SBSPON: variants seen among roughly 807,000 people sequenced by gnomAD.
SBSPON encodes somatomedin B and thrombospondin type 1 domain containing, also known as somatomedin-B and thrombospondin type-1 domain-containing protein.
In SBSPON, 30 loss-of-function variants were observed where a neutral mutation model predicts 35.8. The observed-to-expected ratio is 0.84, with a 90% CI of 0.63 to 1.14. The LOEUF (loss-of-function observed/expected upper bound fraction) is 1.14, where lower values mean the gene tolerates loss of function less well. Ranked by LOEUF, SBSPON falls within the 50% of genes most tolerant of loss-of-function variation. SBSPON has a pLI of 0.00. For missense variants in SBSPON, 364 were observed against 357.7 expected (o/e 1.02, Z -0.14); for synonymous variants, 136 against 135.9 (o/e 1.00, Z 0.00).
In SBSPON at chr8:73,069,897, G is replaced by A. The variant is rs761690682; in HGVS notation, c.585C>T (p.Leu195=). ...CCACACACACCGTGTATCCCTCTCG[G>A]AGATACTGCATCCATCTAGTCAAGG... is the stretch of plus-strand genomic sequence containing the variant. ...NWPLTRWMQY[L]REGYTVCVDC... The change falls in exon 4 of 5, where the codon CTC becomes CTT. Residue 195 remains leucine, a synonymous_variant. Transcript: ENST00000297354. 6.2e-7 allele frequency: 1 copy of A among 1,613,316 alleles called. No individual in the cohort carries two copies. The highest frequency in any genetic ancestry group is 1.3e-5 in the African/African-American group (1 of 75,002).
intron 1 of SBSPON, among the ~76,000 whole-genome samples, chr8:73,091,100 C>T (rs974217787): frequency 6.6e-6 from 1 of 152,220 alleles, no homozygotes; most frequent in Non-Finnish European, 1.5e-5. Flanking sequence ...AGCATCTGTC[C>T]TGTTCACCAT....
At chr8:73,072,927 C>T (rs1284214103) in intron 2 of SBSPON, among the ~76,000 whole-genome samples, 1 of 152,140 alleles carries the variant, frequency 6.6e-6, no homozygotes, top group Non-Finnish European at 1.5e-5. Context: ...AAAAATGGCA[C>T]CAAGAATCCT....
intron 2 of SBSPON, among the ~76,000 whole-genome samples, chr8:73,074,221 A>C (rs985677986): frequency 2.0e-5 from 3 of 152,226 alleles, no homozygotes; most frequent in Non-Finnish European, 4.4e-5. Context: ...TTTGTACTGC[A>C]TATATCATTA....
chr8:73,069,181 A>G (rs1377430299), intron 4 of SBSPON, among the ~76,000 whole-genome samples: 6 of 152,168 alleles, frequency 3.9e-5, no homozygotes, highest in Non-Finnish European at 7.4e-5. Context: ...CACATTTTAC[A>G]TCTCCATCTC....
At chr8:73,076,348 G>A (rs1226623197) in intron 2 of SBSPON, among the ~76,000 whole-genome samples, 2 of 152,156 alleles carry the variant, frequency 1.3e-5, no homozygotes, top group African/African-American at 4.8e-5. Flanking sequence ...GGTTACAGGT[G>A]GAATTAAGGT....
At chr8:73,089,583 G>A (rs973268311) in intron 1 of SBSPON, among the ~76,000 whole-genome samples, 2 of 152,080 alleles carry the variant, frequency 1.3e-5, no homozygotes, top group African/African-American at 4.8e-5. Context: ...AAATTGTTGG[G>A]AGGATTAAAT....
chr8:73,081,082 C>G lies in SBSPON; in HGVS notation c.346G>C (p.Glu116Gln). Residue 116 changes from glutamate (E) to glutamine (Q), a missense_variant, in exon 2 of 5, where the codon GAA (glutamate) becomes CAA (glutamine). Glu to Gln is a conservative substitution (Grantham distance 29). Transcript: ENST00000297354. The stretch of plus-strand genomic sequence containing the variant: ...TACTCCAGGCAGCCAGCTCTCTCTT[C>G]CAGGGGTGGGCAGGGCGCCCCGCCG... ...QNGGAPCPPL[E>Q]ERAGCLEYST... is the part of the protein sequence containing the mutation. 1.2e-6 allele frequency: 2 copies of G among 1,612,840 alleles called. No homozygotes were observed. Among genetic ancestry groups the G allele is most frequent in the Non-Finnish European group, 1.7e-6 (2 of 1,179,402 alleles).
At position 73,092,911 on chromosome 8, in the gene SBSPON, C is replaced by T. The variant is rs985628332; in HGVS notation, c.157G>A (p.Asp53Asn). The change falls in exon 1 of 5, where the codon GAC becomes AAC. Residue 53 changes from aspartate (D) to asparagine (N), a missense_variant. Coordinates refer to ENST00000297354, the MANE Select transcript of SBSPON (RefSeq NM_153225.4). ...LDRVYGTCFC[D>N]QACRFTGDCC... The stretch of plus-strand genomic sequence containing the variant: ...TCCCCGGTGAAGCGACAGGCTTGGT[C>T]GCAGAAACACGTCCCGTAGACCCTG... 1 of 1,611,460 alleles carries T rather than the reference C, an allele frequency of 6.2e-7. No homozygotes were observed. The highest frequency in any genetic ancestry group is 1.7e-5 in the Admixed American group (1 of 59,846).
rs1313788219 is a variant in SBSPON at position 73,064,558 on chromosome 8, C to T, written c.*2783G>A. On this transcript the variant is annotated 3_prime_UTR_variant, in exon 5 of 5. Coordinates refer to ENST00000297354, the MANE Select transcript of SBSPON (RefSeq NM_153225.4). The stretch of plus-strand genomic sequence containing the variant: ...TAGAATATTCTTAGAGGGCAGGAAC[C>T]AGTTTTATTAACATCAATTTTGTGC... 2 of 152,150 alleles carry T rather than the reference C, an allele frequency of 1.3e-5. No individual in the cohort carries two copies. Among genetic ancestry groups the T allele is most frequent in the Non-Finnish European group, 1.5e-5 (1 of 68,026 alleles). 9.4% of individuals were successfully genotyped at this position (152,150 alleles called of 1,614,324 possible).
At position 73,081,055 on chromosome 8, in the gene SBSPON, A is replaced by G. The variant is rs773414636; in HGVS notation, c.373T>C (p.Ser125Pro). The change falls in exon 2 of 5, where the codon TCC becomes CCC. Residue 125 changes from serine (S) to proline (P), a missense_variant. Physicochemically the swap from Ser to Pro is moderately conservative, Grantham distance 74. Transcript: ENST00000297354. ...CCGCAGTCCTGGCCCTGCGGGGTGG[A>G]GTACTCCAGGCAGCCAGCTCTCTCT... ...LEERAGCLEY[S>P]TPQGQDCGHT... 2 of 1,611,472 alleles carry G rather than the reference A, an allele frequency of 1.2e-6. No individual in the cohort carries two copies. The highest frequency in any genetic ancestry group is 1.7e-6 in the Non-Finnish European group (2 of 1,178,726).
rs1490392849 is a variant in SBSPON at position 73,091,356 on chromosome 8, C to T, written c.214+1498G>A. 3.9e-5 allele frequency among the ~76,000 whole-genome samples: 6 copies of T among 152,292 alleles called. No homozygotes were observed. The East Asian group carries it at 1.2e-3, about 29-fold the overall frequency. ...TCAACTATTTCAGTGCTAAGTGTGTCGAACAGGAGCTTGCACAGGTTGCCC... is the reference window on the plus strand; with the variant it reads ...TCAACTATTTCAGTGCTAAGTGTGTTGAACAGGAGCTTGCACAGGTTGCCC... On this transcript the variant is annotated intron_variant, in intron 1 of 4. Coordinates refer to ENST00000297354, the MANE Select transcript of SBSPON (RefSeq NM_153225.4).
intron 3 of SBSPON, 90 bp from the exon 4 acceptor site, chr8:73,070,071 G>T: frequency 2.7e-6 from 2 of 733,336 alleles, no homozygotes; most frequent in Non-Finnish European, 4.4e-6. Flanking sequence ...ACCTCCAAGG[G>T]CATTTGGCCG....
chr8:73,081,181 A>G lies in SBSPON; in HGVS notation c.247T>C (p.Trp83Arg). The G allele has an allele frequency of 6.3e-7, 1 of 1,597,918 alleles. No individual in the cohort carries two copies. Among genetic ancestry groups the G allele is most frequent in the Non-Finnish European group, 8.5e-7 (1 of 1,170,718 alleles). The part of the protein sequence containing the change: ...RPCFVGEWSP[W>R]SGCADQCKPT... ...TTGCACTGGTCTGCACAACCACTCC[A>G]GGGGCTCCATTCCCCCACGAAGCAC... The change falls in exon 2 of 5, where the codon TGG becomes CGG. Residue 83 changes from tryptophan to arginine, a missense_variant. By Grantham distance (101) the Trp-to-Arg change is moderately radical. Transcript: ENST00000297354.
chr8:73,089,933 G>A (rs974626444), intron 1 of SBSPON, among the ~76,000 whole-genome samples: 7 of 152,174 alleles, frequency 4.6e-5, no homozygotes, highest in African/African-American at 1.7e-4. Context: ...AAGTGCAGTG[G>A]CATGGTCACA....
intron 2 of SBSPON, among the ~76,000 whole-genome samples, chr8:73,072,649 A>G (rs1810518572): frequency 6.6e-6 from 1 of 152,212 alleles, no homozygotes; most frequent in Admixed American, 6.5e-5. Flanking sequence ...AGCCTGAGCA[A>G]AAGAGTGAAA....
At chr8:73,069,176 T>C (rs1810446087) in intron 4 of SBSPON, among the ~76,000 whole-genome samples, 1 of 152,140 alleles carries the variant, frequency 6.6e-6, no homozygotes, top group Non-Finnish European at 1.5e-5. Flanking sequence ...ATCTGCACAT[T>C]TTACATCTCC....
intron 1 of SBSPON, among the ~76,000 whole-genome samples, chr8:73,090,307 C>T (rs1039738641): frequency 1.3e-5 from 2 of 152,130 alleles, no homozygotes; most frequent in Non-Finnish European, 2.9e-5. Context: ...TTGAGGCATT[C>T]GGGTTACTTC....
chr8:73,092,554 T>C (rs1810955653), intron 1 of SBSPON, among the ~76,000 whole-genome samples: 1 of 152,002 alleles, frequency 6.6e-6, no homozygotes, highest in South Asian at 2.1e-4. Flanking sequence ...AGTTTCTGAG[T>C]CGGAGATTTC....
At chr8:73,079,883 ATCAAGTAGACTC>A (rs1356140667) in intron 2 of SBSPON, among the ~76,000 whole-genome samples, 2 of 152,196 alleles carry the variant, frequency 1.3e-5, no homozygotes, top group African/African-American at 4.8e-5. Flanking sequence ...AGCACCTGGC[ATCAAGTAGACTC>A]TCAATAAATA....
Sources: allele counts gnomAD v4.1 joint callset (sites outside exome capture counted in the v4.1 genomes callset), GRCh38; gene constraint gnomAD v4.1.1; transcripts MANE v1.5; gene names NCBI Gene and HGNC (gene_info 2026-07-23, HGNC 2026-07-21).